The following CACNA1G variants were observed in gnomAD, a reference collection of about 807,000 sequenced individuals.
CACNA1G encodes calcium voltage-gated channel subunit alpha1 G.
A neutral mutation model predicts 219.4 loss-of-function variants in CACNA1G; 67 were observed. The observed-to-expected ratio is 0.31, with a 90% CI of 0.25 to 0.37. The LOEUF (loss-of-function observed/expected upper bound fraction) is 0.37, where lower values mean the gene tolerates loss of function less well. Among genes scored for constraint, CACNA1G ranks in the 10% least tolerant of loss-of-function variants. The probability of loss-of-function intolerance (pLI) is 1.00; values close to 1 mark genes in which losing one functional copy is unlikely to be tolerated. For synonymous variants in CACNA1G, 1,296 were observed against 1,345.3 expected (o/e 0.96, Z 0.80); for missense variants, 2,380 against 3,231.4 (o/e 0.74, Z 6.39).
intron 1 of CACNA1G, among the ~76,000 whole-genome samples, chr17:50,566,656 C>T (rs2037956504): frequency 6.6e-6 from 1 of 152,224 alleles, no homozygotes; most frequent in Non-Finnish European, 1.5e-5. Context: ...GGCAGGAAGA[C>T]CTGAATGGGG....
intron 22 of CACNA1G, 71 bp downstream of exon 22, chr17:50,604,352 C>A: frequency 6.4e-7 from 1 of 1,561,500 alleles, no homozygotes; most frequent in Non-Finnish European, 8.7e-7. Flanking sequence ...CCCCTGGGTC[C>A]TATGGCTCAA....
At position 50,621,521 on chromosome 17, in the gene CACNA1G, G is replaced by A; in HGVS notation, c.5926-139G>A. ...TGTTTGGGGAAAGGGTGGGGAGAGA[G>A]AAGGGATGCCTTTTTCCCGCCCCCC... On this transcript the variant is annotated intron_variant, in intron 34 of 37. Coordinates refer to ENST00000359106, the MANE Select transcript of CACNA1G (RefSeq NM_018896.5). The surrounding 1 kb of genome is among the most constrained non-coding windows in gnomAD (Gnocchi z 4.6). The A allele has an allele frequency of 1.1e-6, 1 of 877,270 alleles. No homozygotes were observed. The highest frequency in any genetic ancestry group is 1.8e-6 in the Non-Finnish European group (1 of 569,114). The allele number at this position is 877,270 out of a possible 1,614,324, so 54.3% of individuals were successfully genotyped here. A position where few individuals can be genotyped will look rare whatever the true frequency, so the allele number is the denominator to read the frequency against.
Position 50,561,592 on chromosome 17 carries a change from G to A in CACNA1G, c.133G>A (p.Asp45Asn). Residue 45 changes from aspartate (D) to asparagine (N), a missense_variant, in exon 1 of 38, where the codon GAC becomes AAC. By Grantham distance (23) the Asp-to-Asn change is conservative (BLOSUM62 1). This residue lies in a region of CACNA1G where 98 missense variants were observed against 85.5 expected (regional missense o/e 1.15). Transcript: ENST00000359106. ...GSAEKDPGSA[D>N]SEAEGLPYPA... ...AGCAGAAAAGGACCCGGGCAGCGCG[G>A]ACTCCGAGGCGGAGGGGCTGCCGTA... 1 of 1,573,538 alleles carries A rather than the reference G, an allele frequency of 6.4e-7. No homozygotes were observed. The highest frequency in any genetic ancestry group is 8.6e-7 in the Non-Finnish European group (1 of 1,161,978).
intron 19 of CACNA1G, 53 bp from the exon 20 acceptor site, chr17:50,602,767 G>A (rs2047011311): frequency 6.4e-7 from 1 of 1,557,054 alleles, no homozygotes; most frequent in East Asian, 2.2e-5. Flanking sequence ...AGCAGACCTG[G>A]CCCAAGGGTG....
Position 50,578,145 on chromosome 17 carries a change from G to A in CACNA1G, c.1925-43G>A, listed in dbSNP as rs2041124578. 6.6e-7 allele frequency: 1 copy of A among 1,505,890 alleles called. No individual in the cohort carries two copies. The highest frequency in any genetic ancestry group is 8.8e-7 in the Non-Finnish European group (1 of 1,131,434). The allele number at this position is 1,505,890 out of a possible 1,614,324, so 93.3% of individuals were successfully genotyped here. The stretch of plus-strand genomic sequence containing the variant: ...TACTCACAGGGCAGGGTAGCCCCAG[G>A]TACGAGACTCTGGAGCCTCTCACCT... On this transcript the variant is annotated intron_variant, in intron 8 of 37. Transcript: ENST00000359106. This position sits in a 1 kb window ranked among gnomAD's most constrained non-coding sequence, Gnocchi z 4.5.
Position 50,601,076 on chromosome 17 carries a change from A to G in CACNA1G, c.3817A>G (p.Ile1273Val), listed in dbSNP as rs755714769. 2.5e-6 allele frequency: 4 copies of G among 1,613,830 alleles called. No individual in the cohort carries two copies. The South Asian group carries it at 4.4e-5, about 18-fold the overall frequency. Residue 1273 changes from isoleucine (I) to valine (V), a missense_variant, in exon 19 of 38, where the codon ATC becomes GTC. By Grantham distance (29) the Ile-to-Val change is conservative. Transcript: ENST00000359106. Reference sequence around the variant, plus strand: ...GTTCCGCCTCCTGTGTCACCGGATCATCACCCACAAGATGTTCGACCACGT... The same window carrying G: ...GTTCCGCCTCCTGTGTCACCGGATCGTCACCCACAAGATGTTCGACCACGT... ...SRFRLLCHRI[I>V]THKMFDHVVL...
intron 9 of CACNA1G, among the ~76,000 whole-genome samples, chr17:50,584,705 G>A (rs2042661757): frequency 6.6e-6 from 1 of 151,974 alleles, no homozygotes; most frequent in African/African-American, 2.4e-5. Flanking sequence ...AGAGACAGTG[G>A]GATGCACAAC....
intron 13 of CACNA1G, among the ~76,000 whole-genome samples, chr17:50,593,967 C>T (rs939589986): frequency 6.6e-6 from 1 of 152,206 alleles, no homozygotes; most frequent in African/African-American, 2.4e-5. Flanking sequence ...TCAGGGGGCC[C>T]CACGGTCTGG....
At position 50,576,225 on chromosome 17, in the gene CACNA1G, T is replaced by A. The variant is rs752882458; in HGVS notation, c.1823T>A (p.Val608Glu). ...GAGACGCTGAAGGAGAAGGCACTAG[T>A]AGAGGTGGCTGCCAGCTCTGGGCCC... is the stretch of plus-strand genomic sequence containing the variant. ...PPETLKEKAL[V>E]EVAASSGPPT... Residue 608 changes from valine (V) to glutamate (E), a missense_variant, in exon 8 of 38, where the codon GTA becomes GAA. Physicochemically the swap from Val to Glu is moderately radical, Grantham distance 121. Transcript: ENST00000359106. The A allele has an allele frequency of 6.2e-7, 1 of 1,605,806 alleles. No homozygotes were observed. Among genetic ancestry groups the A allele is most frequent in the Non-Finnish European group, 8.5e-7 (1 of 1,176,968 alleles).
chr17:50,625,982 G>C, intron 37 of CACNA1G, 35 bp from the exon 38 acceptor site: 1 of 1,564,644 alleles, frequency 6.4e-7, no homozygotes, highest in South Asian at 1.2e-5. Flanking sequence ...CTGGAGAGGA[G>C]ACTGCTGGGC....
At position 50,599,638 on chromosome 17, in the gene CACNA1G, G is replaced by A. The variant is rs758027860; in HGVS notation, c.3469G>A (p.Asp1157Asn). ...EEERASPAGS[D>N]HRHRGSLERE... ...GGAGCGGGCCAGCCCTGCGGGCAGT[G>A]ACCATCGCCACAGGGGGTCCCTGGA... The change falls in exon 17 of 38, where the codon GAC becomes AAC. Residue 1157 changes from aspartate (D) to asparagine (N), a missense_variant. Transcript: ENST00000359106. The A allele has an allele frequency of 1.2e-6, 2 of 1,612,840 alleles. No homozygotes were observed. The highest frequency in any genetic ancestry group is 3.3e-5 in the Admixed American group (2 of 59,856).
rs770883825 is a variant in CACNA1G, at chr17:50,575,735, C to A, written c.1333C>A (p.Arg445Ser). 2 of 1,583,942 alleles carry A rather than the reference C, an allele frequency of 1.3e-6. No individual in the cohort carries two copies. Among genetic ancestry groups the A allele is most frequent in the South Asian group, 2.3e-5 (2 of 87,094 alleles). The stretch of plus-strand genomic sequence containing the variant: ...GCTCAAGTACCTGGTGTACATCCTT[C>A]GTAAGGCAGCCCGCAGGCTGGCTCA... ...ELLKYLVYIL[R>S]KAARRLAQVS... Residue 445 changes from arginine to serine, a missense_variant, in exon 8 of 38, where the codon CGT (arginine) becomes AGT (serine). Around this residue, in one of 17 missense-constraint regions of CACNA1G, gnomAD observed 434 missense variants for 417.3 expected, o/e 1.04. Coordinates refer to ENST00000359106, the MANE Select transcript of CACNA1G (RefSeq NM_018896.5).
chr17:50,602,046 C>T (rs1429800351), intron 19 of CACNA1G, among the ~76,000 whole-genome samples: 1 of 152,192 alleles, frequency 6.6e-6, no homozygotes, highest in African/African-American at 2.4e-5. Flanking sequence ...CACCCGGAGT[C>T]ACAGGGTAAG....
chr17:50,605,567 A>G (rs1001140441), intron 22 of CACNA1G, among the ~76,000 whole-genome samples: 5 of 152,218 alleles, frequency 3.3e-5, no homozygotes, highest in African/African-American at 1.2e-4. Flanking sequence ...GGACCTGAGA[A>G]GATGTGTTTC....
chr17:50,627,286 C>A lies in CACNA1G; in HGVS notation c.*535C>A, dbSNP rs2053960104. 4.4e-6 allele frequency: 2 copies of A among 450,490 alleles called. 1 individual carries two copies. The highest frequency in any genetic ancestry group is 3.1e-5 in the South Asian group (2 of 63,736). The allele number at this position is 450,490 out of a possible 1,614,324, so 27.9% of individuals were successfully genotyped here. The stretch of plus-strand genomic sequence containing the variant: ...GCCCATCTTCAGCGGAGAGCGAGAA[C>A]CATTTTGGAAACTGTAATGTAACTT... On this transcript the variant is annotated 3_prime_UTR_variant, in exon 38 of 38. Transcript: ENST00000359106.
At position 50,626,569 on chromosome 17, in the gene CACNA1G, A is replaced by G; in HGVS notation, c.6952A>G (p.Ser2318Gly). ...TAGTATCACCATAGACCCCCCCGAG[A>G]GCCAAGGTCCTCGGACCCCGCCCAG... ...PPSITIDPPE[S>G]QGPRTPPSPG... Residue 2318 changes from serine to glycine, a missense_variant, in exon 38 of 38, where the codon AGC becomes GGC. Around this residue, in one of 17 missense-constraint regions of CACNA1G, gnomAD observed 672 missense variants for 670.5 expected, o/e 1.00. Coordinates refer to ENST00000359106, the MANE Select transcript of CACNA1G (RefSeq NM_018896.5). The surrounding 1 kb of genome is among the most constrained non-coding windows in gnomAD (Gnocchi z 4.3). 3 of 1,595,984 alleles carry G rather than the reference A, an allele frequency of 1.9e-6. No individual in the cohort carries two copies. The highest frequency in any genetic ancestry group is 2.3e-5 in the South Asian group (2 of 88,714).
At chr17:50,583,230 C>T (rs767932272) in intron 9 of CACNA1G, among the ~76,000 whole-genome samples, 6 of 152,104 alleles carry the variant, frequency 3.9e-5, no homozygotes, top group Non-Finnish European at 5.9e-5. Context: ...GAGGACCAAG[C>T]AGAGCTTTGG....
chr17:50,599,831 G>A lies in CACNA1G; in HGVS notation c.3662G>A (p.Gly1221Glu). Residue 1221 changes from glycine (G) to glutamate (E), a missense_variant, in exon 17 of 38, where the codon GGG (glycine) becomes GAG (glutamate). Coordinates refer to ENST00000359106, the MANE Select transcript of CACNA1G (RefSeq NM_018896.5). ...ALRPDDPPLD[G>E]DDADDEGNLS... Reference sequence around the variant, plus strand: ...CGGCCTGATGACCCCCCACTGGATGGGGATGACGCCGATGACGAGGGCAAC... The same window carrying A: ...CGGCCTGATGACCCCCCACTGGATGAGGATGACGCCGATGACGAGGGCAAC... 1 of 1,610,066 alleles carries A rather than the reference G, an allele frequency of 6.2e-7. No homozygotes were observed. Among genetic ancestry groups the A allele is most frequent in the Non-Finnish European group, 8.5e-7 (1 of 1,179,618 alleles).
chr17:50,604,496 G>A (rs951379136), intron 22 of CACNA1G, among the ~76,000 whole-genome samples: 1 of 152,258 alleles, frequency 6.6e-6, no homozygotes, highest in African/African-American at 2.4e-5. Context: ...GACCGGGGCT[G>A]CCGAGAGGCT....
Sources: gnomAD v4.1 joint callset for allele counts (sites outside exome capture counted in the v4.1 genomes callset) on GRCh38, gnomAD v4.1.1 for gene constraint, gnomAD v4.1.1 regional missense constraint, Gnocchi (gnomAD v3.1) non-coding constraint, MANE v1.5 for transcripts, NCBI Gene and HGNC (gene_info 2026-07-23, HGNC 2026-07-21) for gene names.